Variants in FOXP2 observed in about 807,000 individuals in gnomAD.
The protein encoded by FOXP2 is forkhead box P2, also known as forkhead box protein P2.
In FOXP2, 12 loss-of-function variants were observed where a neutral mutation model predicts 115.8. That is an observed-to-expected ratio of 0.10 (90% CI 0.07 to 0.17). The LOEUF is 0.17. Among genes scored for constraint, FOXP2 ranks in the 10% least tolerant of loss-of-function variants. The probability of loss-of-function intolerance (pLI) is 1.00; values close to 1 mark genes in which losing one functional copy is unlikely to be tolerated. For missense variants in FOXP2, 629 were observed against 843.5 expected (o/e 0.75, Z 3.15); for synonymous variants, 328 against 297.7 (o/e 1.10, Z -1.05).
chr7:114,386,344 A>G (rs570085063), intron 2 of FOXP2, among the ~76,000 whole-genome samples: 1 of 152,222 alleles, frequency 6.6e-6, no homozygotes, highest in Non-Finnish European at 1.5e-5. Context: ...TAAGCTTTTT[A>G]AAAAAATTTT....
chr7:114,208,712 T>C (rs62469189), intron 1 of FOXP2, among the ~76,000 whole-genome samples: 38,184 of 151,772 alleles, frequency 0.25, 5,432 homozygotes, highest in African/African-American at 0.35. Flanking sequence ...GCTGGTCTCA[T>C]GATAGTGAAT....
intron 2 of FOXP2, among the ~76,000 whole-genome samples, chr7:114,444,505 T>C (rs563818267): frequency 6.6e-6 from 1 of 152,298 alleles, no homozygotes; most frequent in South Asian, 2.1e-4. Context: ...TAATACTTCG[T>C]CCTCAAGATT....
intron 8 of FOXP2, 80 bp from the exon 9 acceptor site, chr7:114,652,123 T>C: frequency 7.8e-7 from 1 of 1,282,046 alleles, no homozygotes; most frequent in Non-Finnish European, 1.1e-6. Flanking sequence ...CTGACTTCAG[T>C]GTAGTGCTTT....
intron 3 of FOXP2, among the ~76,000 whole-genome samples, chr7:114,538,573 G>C (rs986745289): frequency 6.6e-6 from 1 of 151,552 alleles, no homozygotes; most frequent in Admixed American, 6.6e-5. Context: ...ATTAAACTTG[G>C]GGGTCTTATT....
chr7:114,422,662 C>A (rs1584716071), intron 1 of FOXP2, among the ~76,000 whole-genome samples: 1 of 151,690 alleles, frequency 6.6e-6, no homozygotes, highest in South Asian at 2.1e-4. Context: ...GAGTAAGCAA[C>A]AAGGACCAGT....
chr7:114,458,710 T>C (rs950019916), intron 2 of FOXP2, among the ~76,000 whole-genome samples: 5 of 151,988 alleles, frequency 3.3e-5, no homozygotes, highest in African/African-American at 1.2e-4. Context: ...GGTTCTTGAC[T>C]TTTGCATTTT....
chr7:114,355,994 T>C (rs1222611655), intron 2 of FOXP2, among the ~76,000 whole-genome samples: 1 of 152,226 alleles, frequency 6.6e-6, no homozygotes, highest in African/African-American at 2.4e-5. Context: ...TATGAATTTC[T>C]AACTTTTAAA....
chr7:114,238,519 T>C (rs922261690), intron 1 of FOXP2, among the ~76,000 whole-genome samples: 25 of 152,160 alleles, frequency 1.6e-4, no homozygotes, highest in African/African-American at 5.8e-4. Flanking sequence ...ACGCCTGCAG[T>C]CCCAAAGATT....
intron 2 of FOXP2, among the ~76,000 whole-genome samples, chr7:114,523,615 G>C (rs201638225): frequency 1.3e-5 from 2 of 152,098 alleles, no homozygotes; most frequent in Admixed American, 1.3e-4. Context: ...TCTCTTCTGT[G>C]CCTCCAATTG....
intron 1 of FOXP2, among the ~76,000 whole-genome samples, chr7:114,134,708 G>A (rs1394098175): frequency 1.3e-4 from 6 of 47,996 alleles, no homozygotes; most frequent in African/African-American, 2.5e-4. Context: ...GCGAGACTCC[G>A]TCTCAAAAAA....
At chr7:114,562,138 A>G (rs1412844571) in intron 3 of FOXP2, among the ~76,000 whole-genome samples, 2 of 151,998 alleles carry the variant, frequency 1.3e-5, no homozygotes, top group African/African-American at 2.4e-5. Context: ...AAACACTTTC[A>G]CTATTCTGAA....
chr7:114,387,676 G>C (rs1424713621), intron 2 of FOXP2, among the ~76,000 whole-genome samples: 1 of 152,040 alleles, frequency 6.6e-6, no homozygotes, highest in Non-Finnish European at 1.5e-5. Context: ...CAGAAAAAGG[G>C]TATAAACATT....
chr7:114,154,990 G>C (rs953724250), intron 1 of FOXP2, among the ~76,000 whole-genome samples: 3 of 152,052 alleles, frequency 2.0e-5, no homozygotes, highest in African/African-American at 7.2e-5. Flanking sequence ...TTGACCCAAA[G>C]ATTATGTAGA....
chr7:114,441,494 T>C (rs370125790), intron 2 of FOXP2, among the ~76,000 whole-genome samples: 124 of 152,256 alleles, frequency 8.1e-4, no homozygotes, highest in African/African-American at 2.9e-3. Context: ...ATTTCTTAGT[T>C]CACAAATCGT....
At chr7:114,206,031 A>G (rs1474537859) in intron 1 of FOXP2, among the ~76,000 whole-genome samples, 1 of 152,164 alleles carries the variant, frequency 6.6e-6, no homozygotes, top group Admixed American at 6.6e-5. Flanking sequence ...AGAGTTTGAG[A>G]ATAGATTAGA....
At chr7:114,282,798 C>T (rs967439989) in intron 1 of FOXP2, among the ~76,000 whole-genome samples, 1 of 152,108 alleles carries the variant, frequency 6.6e-6, no homozygotes, top group East Asian at 1.9e-4. Context: ...GCAGAAGTAG[C>T]TTTTAAACAT....
chr7:114,469,208 G>A (rs1795938252), intron 2 of FOXP2, among the ~76,000 whole-genome samples: 1 of 152,048 alleles, frequency 6.6e-6, no homozygotes, highest in Non-Finnish European at 1.5e-5. Flanking sequence ...ATATGTGAGT[G>A]TATGTGTACA....
intron 2 of FOXP2, among the ~76,000 whole-genome samples, chr7:114,395,656 T>G (rs1010133045): frequency 1.3e-5 from 2 of 152,154 alleles, no homozygotes; most frequent in African/African-American, 4.8e-5. Context: ...TTTAACTTGA[T>G]ATGACCAAAA....
chr7:114,561,855 T>C (rs1043708979), intron 3 of FOXP2, among the ~76,000 whole-genome samples: 1 of 152,136 alleles, frequency 6.6e-6, no homozygotes, highest in African/African-American at 2.4e-5. Context: ...AGTAGCATGA[T>C]CATAGTTTAC....
Sources: allele counts gnomAD v4.1 joint callset (sites outside exome capture counted in the v4.1 genomes callset), GRCh38; gene constraint gnomAD v4.1.1; transcripts MANE v1.5; gene names NCBI Gene and HGNC (gene_info 2026-07-23, HGNC 2026-07-21).